CNBD1: variants seen among roughly 807,000 people sequenced by gnomAD.
CNBD1 encodes the protein cyclic nucleotide-binding domain-containing protein 1.
In CNBD1, 71 loss-of-function variants were observed where a neutral mutation model predicts 54.4. That is an observed-to-expected ratio of 1.30 (90% CI 1.08 to 1.59). CNBD1 has a LOEUF of 1.59. CNBD1 is among the 40% of genes most tolerant of loss of function. The pLI is 0.00. For missense variants in CNBD1, 659 were observed against 518.0 expected, an observed-to-expected ratio of 1.27 and a Z score of -2.64; for synonymous variants, 182 against 170.7, an observed-to-expected ratio of 1.07 and a Z score of -0.51.
At chr8:87,345,411 G>C (rs1197129525) in intron 8 of CNBD1, among the ~76,000 whole-genome samples, 1 of 151,582 alleles carries the variant, frequency 6.6e-6, no homozygotes, top group Non-Finnish European at 1.5e-5. Context: ...TTCTTTTTTG[G>C]TGCTCTACCC....
chr8:87,130,364 G>T (rs1041290703), intron 4 of CNBD1, among the ~76,000 whole-genome samples: 1 of 152,124 alleles, frequency 6.6e-6, no homozygotes, highest in Non-Finnish European at 1.5e-5. Flanking sequence ...CTCTTGAAAA[G>T]AATGTGTACT....
intron 6 of CNBD1, among the ~76,000 whole-genome samples, chr8:87,255,384 AATG>A (rs1210455882): frequency 1.3e-5 from 2 of 152,162 alleles, no homozygotes; most frequent in Non-Finnish European, 2.9e-5. Context: ...AGCCTGATAA[AATG>A]ATACCTGTGC....
At chr8:87,183,395 T>G (rs1197136232) in intron 4 of CNBD1, among the ~76,000 whole-genome samples, 1 of 142,908 alleles carries the variant, frequency 7.0e-6, no homozygotes, top group African/African-American at 2.5e-5. Context: ...GTTTTTTTTT[T>G]TTTTTTTTGC....
intron 5 of CNBD1, among the ~76,000 whole-genome samples, chr8:87,223,215 G>GA (rs1554570021): frequency 7.2e-6 from 1 of 139,244 alleles, no homozygotes; most frequent in Non-Finnish European, 1.6e-5. Flanking sequence ...TTTGGCTGAA[G>GA]TTTTTTTTTT....
At chr8:87,370,090 G>C (rs991902401) in intron 10 of CNBD1, among the ~76,000 whole-genome samples, 1 of 151,894 alleles carries the variant, frequency 6.6e-6, no homozygotes, top group Non-Finnish European at 1.5e-5. Context: ...GTATTCCATG[G>C]TGTATATGTG....
At chr8:87,394,377 A>C (rs1426528689) in intron 2 of CNBD1, among the ~76,000 whole-genome samples, 3 of 151,878 alleles carry the variant, frequency 2.0e-5, no homozygotes, top group Non-Finnish European at 4.4e-5. Flanking sequence ...TGCAATTTAA[A>C]TTCAGAAATT....
At chr8:87,382,278 T>C (rs997797828) in intron 10 of CNBD1, among the ~76,000 whole-genome samples, 40 of 151,950 alleles carry the variant, frequency 2.6e-4, no homozygotes, top group African/African-American at 9.7e-4. Context: ...TATGAAACAA[T>C]GACTGCCAAC....
chr8:87,036,748 T>A (rs1272333646), intron 4 of CNBD1, among the ~76,000 whole-genome samples: 1 of 152,150 alleles, frequency 6.6e-6, no homozygotes, highest in Non-Finnish European at 1.5e-5. Flanking sequence ...GTCTTTCAAT[T>A]GTTCAAATAA....
chr8:87,252,768 G>T (rs748366026), intron 6 of CNBD1, among the ~76,000 whole-genome samples: 39 of 152,186 alleles, frequency 2.6e-4, no homozygotes, highest in Middle Eastern at 3.4e-3. Context: ...CACAGTAAGT[G>T]GCAAGATGAG....
At position 87,182,850 on chromosome 8, in the gene CNBD1, C is replaced by A. The variant is rs1240753621; in HGVS notation, c.432-23143C>A. Among the ~76,000 whole-genome samples, 1 of 151,956 alleles carries A rather than the reference C, an allele frequency of 6.6e-6. No individual in the cohort carries two copies. The highest frequency in any genetic ancestry group is 1.5e-5 in the Non-Finnish European group (1 of 67,944). ...TTCTCCCATTTAGTAGGTTTTCTGCCTATTCAGCTGATAATTTCTTTCTTT... is the reference window on the plus strand; with the variant it reads ...TTCTCCCATTTAGTAGGTTTTCTGCATATTCAGCTGATAATTTCTTTCTTT... On this transcript the variant is annotated intron_variant, in intron 4 of 10. Coordinates refer to ENST00000518476, the MANE Select transcript of CNBD1 (RefSeq NM_173538.3). This position sits in a 1 kb window ranked among gnomAD's most constrained non-coding sequence, Gnocchi z 4.1.
At chr8:87,217,968 G>T (rs1304091546) in intron 5 of CNBD1, among the ~76,000 whole-genome samples, 2 of 152,044 alleles carry the variant, frequency 1.3e-5, no homozygotes. Context: ...AAGCTTGATG[G>T]TATATAACTT....
Position 86,979,882 on chromosome 8 carries a change from G to T in CNBD1, c.431+40128G>T, listed in dbSNP as rs371446906. 2.6e-5 allele frequency among the ~76,000 whole-genome samples: 4 copies of T among 152,236 alleles called. No individual in the cohort carries two copies. The East Asian group carries it at 5.8e-4, about 22-fold the overall frequency. On this transcript the variant is annotated intron_variant, in intron 4 of 10. Transcript: ENST00000518476. ...GATATAAGAGCAATATGATAACATC[G>T]TAGATCCTTTCAATGTTGTTGAAAA...
chr8:86,901,746 G>A (rs1433032437), intron 2 of CNBD1, among the ~76,000 whole-genome samples: 2 of 152,172 alleles, frequency 1.3e-5, no homozygotes, highest in Non-Finnish European at 2.9e-5. Context: ...GATGGGAAAA[G>A]GACATTGAGA....
chr8:86,875,602 T>C (rs1008210803), intron 1 of CNBD1, among the ~76,000 whole-genome samples: 4 of 152,216 alleles, frequency 2.6e-5, no homozygotes, highest in African/African-American at 9.6e-5. Context: ...TTTCTTTTAT[T>C]AAATTGTGTC....
At chr8:87,178,850 A>T (rs1188991105) in intron 4 of CNBD1, among the ~76,000 whole-genome samples, 1 of 152,194 alleles carries the variant, frequency 6.6e-6, no homozygotes, top group Non-Finnish European at 1.5e-5. Context: ...TAGAACCAAG[A>T]TCTTGAACAT....
chr8:87,399,761 G>T (rs555303420), intron 2 of CNBD1, among the ~76,000 whole-genome samples: 2 of 151,926 alleles, frequency 1.3e-5, no homozygotes, highest in Non-Finnish European at 2.9e-5. Flanking sequence ...CTTAGGTGCT[G>T]GTAGGATAGT....
At chr8:86,975,417 A>G (rs1318748424) in intron 4 of CNBD1, among the ~76,000 whole-genome samples, 1 of 151,730 alleles carries the variant, frequency 6.6e-6, no homozygotes, top group Non-Finnish European at 1.5e-5. Flanking sequence ...AGTGACCACC[A>G]TTCTACTGTC....
At chr8:87,090,526 C>G (rs1003880724) in intron 4 of CNBD1, among the ~76,000 whole-genome samples, 44 of 152,134 alleles carry the variant, frequency 2.9e-4, no homozygotes, top group African/African-American at 1.1e-3. Flanking sequence ...ATGTAAGTGT[C>G]TACAACAGCA....
At chr8:86,976,533 C>T (rs35868420) in intron 4 of CNBD1, among the ~76,000 whole-genome samples, 3,500 of 151,850 alleles carry the variant, frequency 0.023, 67 homozygotes, top group South Asian at 0.042. Flanking sequence ...TTTGTAATTC[C>T]ACATAAATAT....
Sources: gnomAD v4.1 joint callset for allele counts (sites outside exome capture counted in the v4.1 genomes callset) on GRCh38, gnomAD v4.1.1 for gene constraint, Gnocchi (gnomAD v3.1) non-coding constraint, MANE v1.5 for transcripts, NCBI Gene and HGNC (gene_info 2026-07-23, HGNC 2026-07-21) for gene names.